The following NLK variants were observed in gnomAD, a reference collection of about 807,000 sequenced individuals.
The protein encoded by NLK is nemo like kinase.
In NLK, 11 loss-of-function variants were observed where a neutral mutation model predicts 59.0. The observed-to-expected ratio is 0.19, with a 90% CI of 0.12 to 0.31. The LOEUF is 0.31. NLK is among the 10% of genes least tolerant of loss of function. NLK has a pLI of 1.00. For synonymous variants in NLK, 235 were observed against 235.9 expected, an observed-to-expected ratio of 1.00 and a Z score of 0.03; for missense variants, 410 against 661.1, an observed-to-expected ratio of 0.62 and a Z score of 4.16.
At chr17:28,140,330 A>C (rs903868392) in intron 3 of NLK, among the ~76,000 whole-genome samples, 10 of 152,222 alleles carry the variant, frequency 6.6e-5, no homozygotes, top group Non-Finnish European at 1.2e-4. Context: ...GATAATGAAA[A>C]GGTTCTGGAA....
rs181776440 is a variant in NLK at position 28,132,706 on chromosome 17, G to A, written c.644+31G>A. ...CTAACCAGGGAATGTGAAAGAAGGG[G>A]ACAATTTTTAAAATTAATTTGTTCT... On this transcript the variant is annotated intron_variant, in intron 3 of 10. Transcript: ENST00000407008. 1.1e-4 allele frequency: 173 copies of A among 1,558,678 alleles called. No homozygotes were observed. In the African/African-American group the frequency reaches 2.1e-3, roughly 19 times the overall value.
chr17:28,193,875 GAGTCAGTGACCC>G (rs1909395825), intron 10 of NLK, among the ~76,000 whole-genome samples: 1 of 152,156 alleles, frequency 6.6e-6, no homozygotes, highest in Admixed American at 6.5e-5. Context: ...TTTCCCCTAA[GAGTCAGTGACCC>G]AGTCAGTTAG....
intron 1 of NLK, chr17:28,061,825 C>CATATATACATATACATATATA (rs1567702417): frequency 2.2e-5 from 3 of 138,304 alleles, no homozygotes; most frequent in African/African-American, 8.3e-5. Context: ...ATAATATATA[C>CATATATACATATACATATATA]ATATATACAT....
rs191232896 is a variant in NLK at position 28,042,853 on chromosome 17, A to G, written c.-21A>G. On this transcript the variant is annotated 5_prime_UTR_variant, in exon 1 of 11. Coordinates refer to ENST00000407008, the MANE Select transcript of NLK (RefSeq NM_016231.5). ...ACAGCTTGACCCAGTTTGCTTTCCA[A>G]TCAAAGGGCATTTATTTTGAATGTC... The G allele has an allele frequency of 4.3e-5, 63 of 1,474,166 alleles. No individual in the cohort carries two copies. The Admixed American group carries it at 5.0e-4, about 12-fold the overall frequency. The allele number at this position is 1,474,166 out of a possible 1,614,324, so 91.3% of individuals were successfully genotyped here.
Position 28,168,516 on chromosome 17 carries a change from T to G in NLK, c.906T>G (p.Val302=). 6.2e-7 allele frequency: 1 copy of G among 1,613,890 alleles called. No homozygotes were observed. Among genetic ancestry groups the G allele is most frequent in the South Asian group, 1.1e-5 (1 of 91,086 alleles). The change falls in exon 6 of 11, where the codon GTT becomes GTG. Residue 302 remains valine (V), a synonymous_variant. Coordinates refer to ENST00000407008, the MANE Select transcript of NLK (RefSeq NM_016231.5). ...CCCGTCATATGACTCAGGAAGTTGT[T>G]ACTCAGTATTATCGGGCTCCAGAAA... ...DESRHMTQEV[V]TQYYRAPEIL... is the part of the protein sequence containing the mutation.
At chr17:28,117,573 A>G (rs1047541291) in intron 1 of NLK, among the ~76,000 whole-genome samples, 11 of 152,208 alleles carry the variant, frequency 7.2e-5, no homozygotes, top group African/African-American at 2.7e-4. Flanking sequence ...TCAGTCAAAT[A>G]TAGATATTTT....
chr17:28,153,257 A>G (rs974173033), intron 3 of NLK, among the ~76,000 whole-genome samples: 1 of 151,554 alleles, frequency 6.6e-6, no homozygotes, highest in African/African-American at 2.4e-5. Context: ...CTGTGCAACA[A>G]GAGCGAAATT....
chr17:28,102,998 G>C (rs906028910), intron 1 of NLK, among the ~76,000 whole-genome samples: 2 of 152,148 alleles, frequency 1.3e-5, no homozygotes, highest in African/African-American at 4.8e-5. Flanking sequence ...CATTCATGTG[G>C]AGCAACTCTG....
chr17:28,189,843 GAAAA>G lies in NLK; in HGVS notation c.1237-1172_1237-1169del, dbSNP rs936664689. ...ATACAAAACATAAACTTATTGAAAGGAAAAAAAAACAAGGTTATCAAGTATACGT... is the reference window on the plus strand; with the variant it reads ...ATACAAAACATAAACTTATTGAAAGGAAAAACAAGGTTATCAAGTATACGT... On this transcript the variant is annotated intron_variant, in intron 8 of 10. Transcript: ENST00000407008. Among the ~76,000 whole-genome samples the G allele has an allele frequency of 2.7e-5, 4 of 149,968 alleles. No individual in the cohort carries two copies. In the East Asian group the frequency reaches 7.8e-4, roughly 29 times the overall value.
At chr17:28,083,253 G>A (rs1225582112) in intron 1 of NLK, among the ~76,000 whole-genome samples, 1 of 152,160 alleles carries the variant, frequency 6.6e-6, no homozygotes, top group East Asian at 1.9e-4. Flanking sequence ...GCCTAACATA[G>A]CACCTTGTAG....
In NLK at chr17:28,043,325, T is replaced by G; in HGVS notation, c.452T>G (p.Val151Gly). Residue 151 changes from valine to glycine, a missense_variant, in exon 1 of 11, where the codon GTT (valine) becomes GGT (glycine). Physicochemically the swap from Val to Gly is moderately radical, Grantham distance 109. This residue lies in a region of NLK where 73 missense variants were observed against 197.2 expected (regional missense o/e 0.37). Coordinates refer to ENST00000407008, the MANE Select transcript of NLK (RefSeq NM_016231.5). ...CCTATTGGATATGGAGCCTTTGGTG[T>G]TGTCTGGTGAGTATCCAAAGAAAAA... ...DRPIGYGAFG[V>G]VWSVTDPRDG... is the part of the protein sequence containing the mutation. 6.5e-7 allele frequency: 1 copy of G among 1,545,314 alleles called. No homozygotes were observed. Among genetic ancestry groups the G allele is most frequent in the Non-Finnish European group, 8.7e-7 (1 of 1,147,770 alleles).
intron 3 of NLK, among the ~76,000 whole-genome samples, chr17:28,148,153 A>T (rs756897869): frequency 1.8e-4 from 27 of 152,246 alleles, no homozygotes; most frequent in Non-Finnish European, 3.1e-4. Flanking sequence ...CTCCCATCAA[A>T]GGCCTGTCCT....
intron 1 of NLK, among the ~76,000 whole-genome samples, chr17:28,055,031 T>C (rs546896833): frequency 4.1e-4 from 63 of 152,306 alleles, no homozygotes; most frequent in South Asian, 6.2e-4. Context: ...ATGGTCTTCA[T>C]GTATACAGCG....
intron 1 of NLK, among the ~76,000 whole-genome samples, chr17:28,083,478 C>G (rs1910414936): frequency 6.6e-6 from 1 of 152,090 alleles, no homozygotes; most frequent in African/African-American, 2.4e-5. Context: ...AATATAGTGT[C>G]TGAGCCTTTG....
intron 8 of NLK, among the ~76,000 whole-genome samples, chr17:28,186,476 G>T (rs1455121865): frequency 2.0e-5 from 3 of 152,086 alleles, no homozygotes; most frequent in African/African-American, 7.2e-5. Flanking sequence ...TGGTGTATTA[G>T]TCTGTTTTTA....
chr17:28,121,087 CT>C (rs11447845), intron 1 of NLK, among the ~76,000 whole-genome samples: 6 of 151,764 alleles, frequency 4.0e-5, no homozygotes, highest in Middle Eastern at 3.4e-3. Context: ...ATTCTTTTTT[CT>C]TTTTTTTGAA....
At chr17:28,132,782 G>C in intron 3 of NLK, 107 bp downstream of exon 3, 1 of 942,974 alleles carries the variant, frequency 1.1e-6, no homozygotes, top group South Asian at 1.5e-5. Flanking sequence ...TCTCATCCTT[G>C]CAGAAGTGAT....
chr17:28,185,846 A>G (rs530549164), intron 8 of NLK, among the ~76,000 whole-genome samples: 90 of 152,190 alleles, frequency 5.9e-4, no homozygotes, highest in Non-Finnish European at 9.9e-4. Context: ...CCAGGACACA[A>G]AGTTTTTTAA....
At chr17:28,176,632 C>T (rs961145943) in intron 7 of NLK, among the ~76,000 whole-genome samples, 3 of 152,150 alleles carry the variant, frequency 2.0e-5, no homozygotes, top group Admixed American at 6.5e-5. Flanking sequence ...CACTGCCTGG[C>T]ACTTACATAT....
Sources: allele counts gnomAD v4.1 joint callset (sites outside exome capture counted in the v4.1 genomes callset), GRCh38; gene constraint gnomAD v4.1.1; regional missense constraint gnomAD v4.1.1; transcripts MANE v1.5; gene names NCBI Gene and HGNC (gene_info 2026-07-23, HGNC 2026-07-21).